RBFOX2: variants seen among roughly 807,000 people sequenced by gnomAD.
RBFOX2 encodes the protein RNA binding fox-1 homolog 2.
RBFOX2 carries 10 observed loss-of-function variants against 49.1 expected under a neutral mutation model. The ratio of observed to expected loss-of-function variants is 0.20; its 90% CI spans 0.13 to 0.35. The LOEUF is 0.35. Ranked by LOEUF, RBFOX2 falls within the 10% of genes least tolerant of loss-of-function variation. The pLI is 1.00. For missense variants in RBFOX2, 323 were observed against 486.9 expected (o/e 0.66, Z 3.17); for synonymous variants, 183 against 187.4 (o/e 0.98, Z 0.19).
At chr22:35,918,633 A>G (rs1319860777) in intron 1 of RBFOX2, among the ~76,000 whole-genome samples, 1 of 152,238 alleles carries the variant, frequency 6.6e-6, no homozygotes, top group African/African-American at 2.4e-5. Context: ...AGCTGCAGTA[A>G]CTGAGGGAAA....
chr22:35,794,660 A>G (rs529778654), intron 2 of RBFOX2, among the ~76,000 whole-genome samples: 1 of 151,906 alleles, frequency 6.6e-6, no homozygotes, highest in Admixed American at 6.6e-5. Flanking sequence ...TCTGTCTCAA[A>G]AAAAAAAAAA....
At chr22:35,836,905 A>G (rs1288899082) in intron 1 of RBFOX2, among the ~76,000 whole-genome samples, 1 of 152,234 alleles carries the variant, frequency 6.6e-6, no homozygotes. Context: ...TTTCCTTCAT[A>G]TTCCATATTG....
chr22:35,939,262 T>G (rs1446259534), upstream of RBFOX2: 1 of 482,822 alleles, frequency 2.1e-6, no homozygotes, highest in East Asian at 6.1e-5. Context: ...CACTAAGCCG[T>G]TAGCACCCCT....
intron 1 of RBFOX2, among the ~76,000 whole-genome samples, chr22:35,812,265 C>G (rs1451691471): frequency 1.4e-5 from 2 of 139,398 alleles, no homozygotes; most frequent in African/African-American, 5.3e-5. Context: ...GACTCCATCT[C>G]AAAAGATAGA....
At position 35,758,625 on chromosome 22, in the gene RBFOX2, G is replaced by A. The variant is rs1937601956; in HGVS notation, c.887+1263C>T. Among the ~76,000 whole-genome samples the A allele has an allele frequency of 3.3e-5, 5 of 152,294 alleles. No individual in the cohort carries two copies. The South Asian group carries it at 1.0e-3, about 32-fold the overall frequency. On this transcript the variant is annotated intron_variant, in intron 9 of 11. Coordinates refer to ENST00000405409, the Ensembl canonical transcript of RBFOX2. ...GAGAGAAAAAAGGATTAAAATAAAA[G>A]TAAGTAATGGCATAAGATGGAGATG... is the stretch of plus-strand genomic sequence containing the variant.
chr22:35,925,908 C>A (rs2051577519), intron 1 of RBFOX2, among the ~76,000 whole-genome samples: 1 of 152,190 alleles, frequency 6.6e-6, no homozygotes, highest in Admixed American at 6.5e-5. Context: ...ATAGTACTTG[C>A]TGAGAGTATT....
intron 1 of RBFOX2, among the ~76,000 whole-genome samples, chr22:35,973,029 G>C (rs367611028): frequency 6.6e-6 from 1 of 152,044 alleles, no homozygotes; most frequent in African/African-American, 2.4e-5. Context: ...TTACCAAATC[G>C]ATCAAGAAGG....
At chr22:35,901,005 T>G (rs371670442) in intron 1 of RBFOX2, among the ~76,000 whole-genome samples, 1 of 152,208 alleles carries the variant, frequency 6.6e-6, no homozygotes, top group Non-Finnish European at 1.5e-5. Flanking sequence ...GGTTTCAATG[T>G]AACACCACCA....
At chr22:35,921,643 G>C (rs887070152) in intron 1 of RBFOX2, among the ~76,000 whole-genome samples, 1 of 152,178 alleles carries the variant, frequency 6.6e-6, no homozygotes, top group Non-Finnish European at 1.5e-5. Flanking sequence ...TACAACATGG[G>C]ATAATTCACC....
At chr22:35,922,096 T>C (rs1404621404) in intron 1 of RBFOX2, among the ~76,000 whole-genome samples, 1 of 152,226 alleles carries the variant, frequency 6.6e-6, no homozygotes, top group Non-Finnish European at 1.5e-5. Context: ...TGCTTGTATC[T>C]GCAGCTTATC....
chr22:35,900,378 G>A (rs944582564), intron 1 of RBFOX2, among the ~76,000 whole-genome samples: 5 of 151,882 alleles, frequency 3.3e-5, no homozygotes, highest in Admixed American at 1.3e-4. Flanking sequence ...GAGGATAGCG[G>A]GGGGAAGTAG....
At chr22:35,972,714 C>T (rs1364517312) in intron 1 of RBFOX2, among the ~76,000 whole-genome samples, 1 of 152,166 alleles carries the variant, frequency 6.6e-6, no homozygotes, top group Admixed American at 6.5e-5. Context: ...AATGTTATTA[C>T]CTACCAAAGA....
At chr22:35,801,601 G>C (rs925678600) in intron 2 of RBFOX2, among the ~76,000 whole-genome samples, 1 of 152,112 alleles carries the variant, frequency 6.6e-6, no homozygotes, top group African/African-American at 2.4e-5. Flanking sequence ...GAGGTGGGTG[G>C]ATCACTTGAG....
At chr22:35,963,629 T>TCTA (rs2056386449), upstream of RBFOX2, among the ~76,000 whole-genome samples, 1 of 152,224 alleles carries the variant, frequency 6.6e-6, no homozygotes, top group Admixed American at 6.5e-5. Context: ...GCTCCATTTA[T>TCTA]CTACTCTTTG....
intron 1 of RBFOX2, among the ~76,000 whole-genome samples, chr22:35,925,723 C>T (rs1417533851): frequency 6.6e-6 from 1 of 152,182 alleles, no homozygotes; most frequent in Non-Finnish European, 1.5e-5. Flanking sequence ...CAAAGCTACG[C>T]TACCCCACCC....
chr22:35,916,506 G>C (rs1034043517), intron 1 of RBFOX2, among the ~76,000 whole-genome samples: 7 of 152,108 alleles, frequency 4.6e-5, no homozygotes, highest in Admixed American at 6.5e-5. Flanking sequence ...GGTCTTGAAC[G>C]CCTAGCCTCA....
At chr22:35,944,229 A>G (rs1161646914) in intron 1 of RBFOX2, among the ~76,000 whole-genome samples, 1 of 152,226 alleles carries the variant, frequency 6.6e-6, no homozygotes, top group Non-Finnish European at 1.5e-5. Flanking sequence ...AGATCTTTTT[A>G]AAAGTGTGTG....
intron 1 of RBFOX2, among the ~76,000 whole-genome samples, chr22:35,913,548 ATGTG>A (rs909757854): frequency 2.7e-5 from 4 of 145,928 alleles, no homozygotes; most frequent in African/African-American, 5.1e-5. Flanking sequence ...GTGTATATGT[ATGTG>A]TGTGTGTGTA....
chr22:35,923,970 G>A (rs920296604), intron 1 of RBFOX2, among the ~76,000 whole-genome samples: 111 of 151,252 alleles, frequency 7.3e-4, no homozygotes, highest in African/African-American at 2.6e-3. Flanking sequence ...TCAAATAAAA[G>A]TAAATAAATG....
Sources: allele counts gnomAD v4.1 joint callset (sites outside exome capture counted in the v4.1 genomes callset), GRCh38; gene constraint gnomAD v4.1.1; transcripts MANE v1.5; gene names NCBI Gene and HGNC (gene_info 2026-07-23, HGNC 2026-07-21).